The following CLCN1 variants were observed in gnomAD, a reference collection of about 807,000 sequenced individuals.
CLCN1 encodes chloride channel protein 1.
CLCN1 carries 100 observed loss-of-function variants against 114.5 expected under a neutral mutation model. The ratio of observed to expected loss-of-function variants is 0.87; its 90% CI spans 0.74 to 1.03. The LOEUF (loss-of-function observed/expected upper bound fraction) is 1.03, where lower values mean the gene tolerates loss of function less well. Ranked by LOEUF, CLCN1 falls within the 50% of genes least tolerant of loss-of-function variation. The pLI is 0.00. For synonymous variants in CLCN1, 485 were observed against 487.1 expected (o/e 1.00, Z 0.06); for missense variants, 1,188 against 1,250.0 (o/e 0.95, Z 0.75).
chr7:143,348,101 G>C (rs993258015), intron 20 of CLCN1, among the ~76,000 whole-genome samples: 1 of 152,176 alleles, frequency 6.6e-6, no homozygotes, highest in African/African-American at 2.4e-5. Context: ...TGGATATCCA[G>C]AATAAATATG....
intron 20 of CLCN1, among the ~76,000 whole-genome samples, chr7:143,349,128 A>T (rs1803328714): frequency 6.6e-6 from 1 of 152,246 alleles, no homozygotes; most frequent in Non-Finnish European, 1.5e-5. Flanking sequence ...ACATAAGGCC[A>T]CAGATGATCA....
rs764804597 is a variant in CLCN1 at position 143,330,830 on chromosome 7, A to T, written c.912A>T (p.Arg304Ser). 1 of 1,614,040 alleles carries T rather than the reference A, an allele frequency of 6.2e-7. No homozygotes were observed. Among genetic ancestry groups the T allele is most frequent in the African/African-American group, 1.3e-5 (1 of 74,908 alleles). Residue 304 changes from arginine to serine, a missense_variant, in exon 8 of 23, where the codon AGA becomes AGT. Physicochemically the swap from Arg to Ser is moderately radical, Grantham distance 110. Transcript: ENST00000343257. ...ACTTTGCTGTTCGGAACTACTGGAG[A>T]GGATTCTTTGCAGCCACGTTCAGCG... ...STYFAVRNYWRGFFAATFSAF... is the reference protein window; with the variant it reads ...STYFAVRNYWSGFFAATFSAF...
At chr7:143,332,107 G>A (rs970136265) in intron 10 of CLCN1, among the ~76,000 whole-genome samples, 1 of 151,924 alleles carries the variant, frequency 6.6e-6, no homozygotes, top group Non-Finnish European at 1.5e-5. Flanking sequence ...GGGATTACAG[G>A]CATGCACCAC....
rs35882576 is a variant in CLCN1, at chr7:143,350,780, CT to C, written c.2595+140del. On this transcript the variant is annotated intron_variant, in intron 22 of 22. Transcript: ENST00000343257. The surrounding 1 kb of genome is among the most constrained non-coding windows in gnomAD (Gnocchi z 5.1). The stretch of plus-strand genomic sequence containing the variant: ...CTCAGATTCCCTTCTCTATTTCTTT[CT>C]TTTTTTTTTTTTTGAGACAGAGTTT... The C allele has an allele frequency of 0.2, 118,050 of 580,294 alleles. 1,530 individuals carry two copies. Among genetic ancestry groups the C allele is most frequent in the South Asian group, 0.29 (13,735 of 47,302 alleles). The allele number at this position is 580,294 out of a possible 1,614,324, so 35.9% of individuals were successfully genotyped here. A position where few individuals can be genotyped will look rare whatever the true frequency, so the allele number is the denominator to read the frequency against.
At chr7:143,346,363 G>T (rs1803246984) in intron 18 of CLCN1, 112 bp downstream of exon 18, 2 of 786,382 alleles carry the variant, frequency 2.5e-6, no homozygotes, top group Admixed American at 2.0e-5. Context: ...TGGGGGGTGA[G>T]GCTGGGGGAT....
chr7:143,324,426 T>G lies in CLCN1; in HGVS notation c.787T>G (p.Tyr263Asp). 1 of 1,613,786 alleles carries G rather than the reference T, an allele frequency of 6.2e-7. No individual in the cohort carries two copies. Among genetic ancestry groups the G allele is most frequent in the Non-Finnish European group, 8.5e-7 (1 of 1,179,862 alleles). Residue 263 changes from tyrosine (Y) to aspartate (D), a missense_variant, in exon 7 of 23, where the codon TAC (tyrosine) becomes GAC (aspartate). By Grantham distance (160) the Tyr-to-Asp change is radical. Coordinates refer to ENST00000343257, the MANE Select transcript of CLCN1 (RefSeq NM_000083.3). The surrounding 1 kb of genome is among the most constrained non-coding windows in gnomAD (Gnocchi z 4.6). ...FCGVYEQPYY[Y>D]SDILTVGCAV... Reference sequence around the variant, plus strand: ...TCTCCCCTAGTAGCAGCCATACTACTACTCTGATATCCTGACGGTGGGCTG... The same window carrying G: ...TCTCCCCTAGTAGCAGCCATACTACGACTCTGATATCCTGACGGTGGGCTG...
intron 17 of CLCN1, 74 bp from the exon 18 acceptor site, chr7:143,346,066 C>A: frequency 9.8e-7 from 1 of 1,025,180 alleles, no homozygotes. Context: ...CCAGAACATC[C>A]ACCAACTGGT....
intron 1 of CLCN1, among the ~76,000 whole-genome samples, chr7:143,319,501 G>C (rs1802370047): frequency 6.6e-6 from 1 of 152,196 alleles, no homozygotes; most frequent in South Asian, 2.1e-4. Context: ...GGCTACCCTG[G>C]ATCAAGGTGA....
intron 10 of CLCN1, 56 bp downstream of exon 10, chr7:143,331,708 T>TTCC: frequency 1.6e-6 from 2 of 1,253,382 alleles, no homozygotes; most frequent in Non-Finnish European, 2.4e-6. Flanking sequence ...TCTCCAAGAG[T>TTCC]TCCTCCCTTT....
At chr7:143,338,958 T>A (rs1413573243) in intron 12 of CLCN1, among the ~76,000 whole-genome samples, 10 of 152,300 alleles carry the variant, frequency 6.6e-5, no homozygotes, top group Middle Eastern at 6.8e-3. Context: ...AGATAAGTAC[T>A]CCGGGGCTCC....
intron 12 of CLCN1, among the ~76,000 whole-genome samples, chr7:143,337,037 A>AG (rs1356780760): frequency 7.2e-5 from 11 of 152,222 alleles, no homozygotes; most frequent in African/African-American, 2.7e-4. Flanking sequence ...TTAAATTACA[A>AG]GTGCCTATAG....
At chr7:143,332,264 G>T in intron 10 of CLCN1, among the ~76,000 whole-genome samples, 155 bp from the exon 11 acceptor site, 1 of 152,136 alleles carries the variant, frequency 6.6e-6, no homozygotes, top group South Asian at 2.1e-4. Context: ...CACCGCACTC[G>T]GCCTCAAATA....
intron 1 of CLCN1, among the ~76,000 whole-genome samples, chr7:143,317,566 CT>C (rs1237695781): frequency 3.3e-5 from 5 of 150,800 alleles, no homozygotes; most frequent in Non-Finnish European, 7.4e-5. Flanking sequence ...ACTTAAAAGG[CT>C]TTTTTTTCTT....
chr7:143,341,073 C>G (rs1364965551), intron 14 of CLCN1, among the ~76,000 whole-genome samples: 1 of 152,106 alleles, frequency 6.6e-6, no homozygotes, highest in Non-Finnish European at 1.5e-5. Context: ...TAATTGAGAG[C>G]ATGGGATTCC....
At chr7:143,344,664 A>T (rs935129669) in intron 16 of CLCN1, among the ~76,000 whole-genome samples, 6 of 152,138 alleles carry the variant, frequency 3.9e-5, no homozygotes, top group Admixed American at 6.5e-5. Flanking sequence ...AAAACTTAAT[A>T]AAAATGTTAA....
In CLCN1 at chr7:143,350,023, T is replaced by C. The variant is rs1803351726; in HGVS notation, c.2404-349T>C. 1.3e-5 allele frequency among the ~76,000 whole-genome samples: 2 copies of C among 152,096 alleles called. No individual in the cohort carries two copies. Among genetic ancestry groups the C allele is most frequent in the East Asian group, 1.9e-4 (1 of 5,188 alleles). ...AAGAGCAGAAAGCAGTCTGGTTTGA[T>C]TGGAGCCCCACGTCTTATAGTAGTA... On this transcript the variant is annotated intron_variant, in intron 20 of 22. Coordinates refer to ENST00000343257, the MANE Select transcript of CLCN1 (RefSeq NM_000083.3). The surrounding 1 kb of genome is among the most constrained non-coding windows in gnomAD (Gnocchi z 5.1).
At chr7:143,332,329 G>T (rs1586498689) in intron 10 of CLCN1, 90 bp from the exon 11 acceptor site, 3 of 951,466 alleles carry the variant, frequency 3.2e-6, no homozygotes, top group Non-Finnish European at 5.2e-6. Context: ...GACTACGGTG[G>T]ACTAAAGGAA....
chr7:143,320,662 A>C lies in CLCN1; in HGVS notation c.302-2A>C, dbSNP rs762272849. On this transcript the variant is annotated splice_acceptor_variant, in intron 2 of 22. Coordinates refer to ENST00000343257, the MANE Select transcript of CLCN1 (RefSeq NM_000083.3). LOFTEE classifies it high-confidence loss of function. ...TTTGTTTTTTCCCTCATCTCTTCCT[A>C]GATTGTATCCACCGCCTGGGACAGG... 20 of 1,611,070 alleles carry C rather than the reference A, an allele frequency of 1.2e-5. No homozygotes were observed. The highest frequency in any genetic ancestry group is 1.7e-5 in the Non-Finnish European group (20 of 1,178,902).
intron 22 of CLCN1, among the ~76,000 whole-genome samples, chr7:143,351,255 TGA>T (rs1563090635): frequency 6.6e-6 from 1 of 151,926 alleles, no homozygotes; most frequent in Non-Finnish European, 1.5e-5. Flanking sequence ...GTTCCAGGCA[TGA>T]GTCACAGTTT....
Sources: gnomAD v4.1 joint callset for allele counts (sites outside exome capture counted in the v4.1 genomes callset) on GRCh38, gnomAD v4.1.1 for gene constraint, Gnocchi (gnomAD v3.1) non-coding constraint, MANE v1.5 for transcripts, NCBI Gene and HGNC (gene_info 2026-07-23, HGNC 2026-07-21) for gene names.